Variants in SCYL2 observed in about 807,000 individuals in gnomAD.
The protein encoded by SCYL2 is SCY1 like pseudokinase 2.
Under a neutral mutation model 100.4 loss-of-function variants are expected in SCYL2, and 36 were observed. The observed-to-expected ratio is 0.36, with a 90% CI of 0.27 to 0.47. SCYL2 has a LOEUF of 0.47. Ranked by LOEUF, SCYL2 falls within the 20% of genes least tolerant of loss-of-function variation. The probability of loss-of-function intolerance (pLI) is 1.00; values close to 1 mark genes in which losing one functional copy is unlikely to be tolerated. For missense variants in SCYL2, 902 were observed against 1,083.9 expected (o/e 0.83, Z 2.36); for synonymous variants, 330 against 359.2 (o/e 0.92, Z 0.92).
intron 2 of SCYL2, 119 bp from the exon 3 acceptor site, chr12:100,291,384 A>C: frequency 3.1e-6 from 2 of 644,106 alleles, no homozygotes; most frequent in Non-Finnish European, 2.5e-6. Flanking sequence ...TTGATATCAG[A>C]AAAGTATTAC....
intron 2 of SCYL2, among the ~76,000 whole-genome samples, chr12:100,283,987 C>T (rs2135835501): frequency 6.6e-6 from 1 of 152,248 alleles, no homozygotes; most frequent in East Asian, 1.9e-4. Context: ...ACCATAAGCT[C>T]ATCCAAAAAA....
rs2096358667 is a variant in SCYL2, at chr12:100,323,620, A to G, written c.1491A>G (p.Leu497=). 1 of 1,586,862 alleles carries G rather than the reference A, an allele frequency of 6.3e-7. No homozygotes were observed. The highest frequency in any genetic ancestry group is 1.7e-5 in the Admixed American group (1 of 57,524). The change falls in exon 11 of 18, where the codon CTA becomes CTG. Residue 497 remains leucine (L), a synonymous_variant. Coordinates refer to ENST00000360820, the MANE Select transcript of SCYL2 (RefSeq NM_017988.6). ...TACCAAGAATTAAAAATGCTTGTCT[A>G]CAAACATCTTCCCTTGCGGTAAGTA... The part of the protein sequence containing the change: ...ALIPRIKNAC[L]QTSSLAVRVN...
chr12:100,341,145 A>G lies in SCYL2; in HGVS notation c.*1973A>G, dbSNP rs536238392. 2 of 152,096 alleles carry G rather than the reference A, an allele frequency of 1.3e-5. No homozygotes were observed. Among genetic ancestry groups the G allele is most frequent in the South Asian group, 4.1e-4 (2 of 4,834 alleles). 9.4% of individuals were successfully genotyped at this position (152,096 alleles called of 1,614,324 possible). A position where few individuals can be genotyped will look rare whatever the true frequency, so the allele number is the denominator to read the frequency against. On this transcript the variant is annotated 3_prime_UTR_variant, in exon 18 of 18. Coordinates refer to ENST00000360820, the MANE Select transcript of SCYL2 (RefSeq NM_017988.6). Reference sequence around the variant, plus strand: ...GTTCATTCGTTGAGGTAATGGTGCTATGTTTTTACAAAATTGTTCCTACAC... The same window carrying G: ...GTTCATTCGTTGAGGTAATGGTGCTGTGTTTTTACAAAATTGTTCCTACAC...
intron 14 of SCYL2, among the ~76,000 whole-genome samples, chr12:100,335,188 C>G (rs775686098): frequency 2.0e-4 from 31 of 151,710 alleles, no homozygotes; most frequent in Non-Finnish European, 3.1e-4. Context: ...GCAAATGAAC[C>G]CTTCCTTTTT....
At chr12:100,277,058 A>T (rs1013098208) in intron 1 of SCYL2, among the ~76,000 whole-genome samples, 1 of 152,148 alleles carries the variant, frequency 6.6e-6, no homozygotes, top group South Asian at 2.1e-4. Flanking sequence ...TATATATTTT[A>T]ATCTATTATT....
intron 9 of SCYL2, 22 bp downstream of exon 9, chr12:100,315,756 G>A: frequency 6.4e-7 from 1 of 1,556,222 alleles, no homozygotes; most frequent in South Asian, 1.2e-5. Context: ...ATATTTTTGT[G>A]TATTTATCTA....
intron 10 of SCYL2, among the ~76,000 whole-genome samples, chr12:100,321,926 T>TGTA (rs1460933525): frequency 6.6e-6 from 1 of 151,472 alleles, no homozygotes; most frequent in Admixed American, 6.6e-5. Context: ...AGTGCATGCC[T>TGTA]GTAGTGCCAG....
chr12:100,334,137 G>GT, intron 13 of SCYL2, 29 bp from the exon 14 acceptor site: 1 of 1,258,432 alleles, frequency 7.9e-7, no homozygotes, highest in African/African-American at 1.5e-5. Flanking sequence ...TTGAAACATT[G>GT]TAACCATATC....
At chr12:100,274,675 G>A (rs762967181) in intron 1 of SCYL2, among the ~76,000 whole-genome samples, 21 of 152,196 alleles carry the variant, frequency 1.4e-4, no homozygotes, top group Non-Finnish European at 2.6e-4. Flanking sequence ...ACACTGGGAT[G>A]GCTGAGAGAA....
intron 2 of SCYL2, among the ~76,000 whole-genome samples, chr12:100,289,410 C>T (rs1477027264): frequency 6.6e-6 from 1 of 152,178 alleles, no homozygotes; most frequent in Non-Finnish European, 1.5e-5. Flanking sequence ...ATCTTCTCCA[C>T]AACATCCTCA....
intron 4 of SCYL2, among the ~76,000 whole-genome samples, chr12:100,309,136 G>A (rs551310506): frequency 6.5e-4 from 98 of 151,922 alleles, no homozygotes; most frequent in East Asian, 2.3e-3. Flanking sequence ...GTGTGTGTGC[G>A]CGCGCGTGTG....
In SCYL2 at chr12:100,291,624, G is replaced by A. The variant is rs1170190902; in HGVS notation, c.299G>A (p.Arg100Gln). ...CAGTTAACTCGGCTTCGACACCCTC[G>A]ACTTCTTACTGTCCAGCATCCTTTA... is the stretch of plus-strand genomic sequence containing the variant. ...VQQLTRLRHP[R>Q]LLTVQHPLEE... Residue 100 changes from arginine (R) to glutamine (Q), a missense_variant, in exon 3 of 18, where the codon CGA (arginine) becomes CAA (glutamine). By Grantham distance (43) the Arg-to-Gln change is conservative. Transcript: ENST00000360820. 1.4e-5 allele frequency: 22 copies of A among 1,599,422 alleles called. No individual in the cohort carries two copies. The highest frequency in any genetic ancestry group is 1.8e-5 in the Non-Finnish European group (21 of 1,175,364).
At chr12:100,332,231 A>G (rs1392036761) in intron 13 of SCYL2, among the ~76,000 whole-genome samples, 4 of 152,204 alleles carry the variant, frequency 2.6e-5, no homozygotes, top group Admixed American at 2.0e-4. Flanking sequence ...AGAGTTTTCA[A>G]TGAGGTCTGA....
At chr12:100,295,886 G>A (rs1013994741) in intron 3 of SCYL2, among the ~76,000 whole-genome samples, 6 of 152,164 alleles carry the variant, frequency 3.9e-5, no homozygotes, top group African/African-American at 1.4e-4. Flanking sequence ...TGCCAGCCTA[G>A]GCTGGGCTGT....
chr12:100,308,549 A>G (rs2096337656), intron 4 of SCYL2, among the ~76,000 whole-genome samples: 1 of 152,142 alleles, frequency 6.6e-6, no homozygotes, highest in Non-Finnish European at 1.5e-5. Context: ...TGACTGGTTG[A>G]TGGGTGCAGC....
chr12:100,326,932 A>G (rs1484029747), intron 12 of SCYL2, among the ~76,000 whole-genome samples, 178 bp downstream of exon 12: 4 of 152,202 alleles, frequency 2.6e-5, no homozygotes, highest in African/African-American at 9.6e-5. Flanking sequence ...GAATCTTGAC[A>G]TTTATAAAGG....
At position 100,315,659 on chromosome 12, in the gene SCYL2, A is replaced by G. The variant is rs146443951; in HGVS notation, c.1197A>G (p.Glu399=). ...CCAATGTTCTACTTATTGCTGAGGA[A>G]TGCACCAAAGAAGAATATGTCAAAT... is the stretch of plus-strand genomic sequence containing the variant. The part of the protein sequence containing the change: ...VLPNVLLIAE[E]CTKEEYVKLI... Residue 399 remains glutamate (E), a synonymous_variant, in exon 9 of 18, where the codon GAA becomes GAG. Coordinates refer to ENST00000360820, the MANE Select transcript of SCYL2 (RefSeq NM_017988.6). 1.2e-6 allele frequency: 2 copies of G among 1,612,302 alleles called. No homozygotes were observed. The highest frequency in any genetic ancestry group is 2.7e-5 in the African/African-American group (2 of 74,878).
At position 100,339,383 on chromosome 12, in the gene SCYL2, A is replaced by C; in HGVS notation, c.*211A>C. 1 of 505,766 alleles carries C rather than the reference A, an allele frequency of 2.0e-6. No homozygotes were observed. The highest frequency in any genetic ancestry group is 3.2e-5 in the East Asian group (1 of 30,800). 31.3% of individuals were successfully genotyped at this position (505,766 alleles called of 1,614,324 possible). On this transcript the variant is annotated 3_prime_UTR_variant, in exon 18 of 18. Transcript: ENST00000360820. ...GCATTGAGGATTTTTTCCTCTTACC[A>C]ACTCCTCTTCAGGTTTTTAAAGACC...
rs765815163 is a variant in SCYL2, at chr12:100,319,435, C to A, written c.1395+1510C>A. ...GGGGAAGATTAAGTGACATGAAATC[C>A]ATTTTTCTTTATAGTTAATTTGACC... is the stretch of plus-strand genomic sequence containing the variant. On this transcript the variant is annotated intron_variant, in intron 10 of 17. Coordinates refer to ENST00000360820, the MANE Select transcript of SCYL2 (RefSeq NM_017988.6). 184 of 312,074 alleles carry A rather than the reference C, an allele frequency of 5.9e-4. 1 individual carries two copies. Among genetic ancestry groups the A allele is most frequent in the South Asian group, 2.8e-3 (97 of 34,958 alleles). The allele number at this position is 312,074 out of a possible 1,614,324, so 19.3% of individuals were successfully genotyped here.
Sources: gnomAD v4.1 joint callset for allele counts (sites outside exome capture counted in the v4.1 genomes callset) on GRCh38, gnomAD v4.1.1 for gene constraint, MANE v1.5 for transcripts, NCBI Gene and HGNC (gene_info 2026-07-23, HGNC 2026-07-21) for gene names.